Variants in LSAMP observed in about 807,000 individuals in gnomAD.
LSAMP encodes the protein limbic system associated membrane protein.
In LSAMP, 7 loss-of-function variants were observed where a neutral mutation model predicts 38.6. The ratio of observed to expected loss-of-function variants is 0.18; its 90% confidence interval spans 0.10 to 0.34. The LOEUF is 0.34. LSAMP is among the 10% of genes least tolerant of loss of function. The pLI, the probability that LSAMP is intolerant of heterozygous loss-of-function variation, is 1.00. For synonymous variants in LSAMP, 154 were observed against 166.8 expected (o/e 0.92, Z 0.59); for missense variants, 313 against 420.0 (o/e 0.75, Z 2.23).
intron 1 of LSAMP, among the ~76,000 whole-genome samples, chr3:116,249,722 A>T (rs904095907): frequency 1.3e-5 from 2 of 152,092 alleles, no homozygotes; most frequent in African/African-American, 2.4e-5. Flanking sequence ...GGTACCGTAT[A>T]TCCAAGAGAG....
At chr3:116,393,214 G>A (rs938345099) in intron 1 of LSAMP, among the ~76,000 whole-genome samples, 1 of 152,166 alleles carries the variant, frequency 6.6e-6, no homozygotes, top group Non-Finnish European at 1.5e-5. Context: ...GAGAAGAGCT[G>A]CAGCCCTTCA....
chr3:116,080,063 A>G (rs189900919), intron 2 of LSAMP, among the ~76,000 whole-genome samples: 21 of 152,328 alleles, frequency 1.4e-4, no homozygotes, highest in African/African-American at 4.3e-4. Flanking sequence ...CACATATGAT[A>G]TTGCGTAAAT....
Position 116,180,917 on chromosome 3 carries a change from A to G in LSAMP, c.156-94361T>C, listed in dbSNP as rs1266700796. On this transcript the variant is annotated intron_variant, in intron 1 of 6. Transcript: ENST00000490035. ...ACATGGGTTAGGTGATTCCATGAAT[A>G]TGATTTGTAGAATATTGAGAGAGCT... is the stretch of plus-strand genomic sequence containing the variant. Among the ~76,000 whole-genome samples the G allele has an allele frequency of 2.6e-5, 4 of 152,044 alleles. No homozygotes were observed. The South Asian group carries it at 8.4e-4, about 32-fold the overall frequency.
chr3:115,873,196 G>T (rs1313664931), intron 3 of LSAMP, among the ~76,000 whole-genome samples: 1 of 151,724 alleles, frequency 6.6e-6, no homozygotes, highest in Admixed American at 6.6e-5. Context: ...ATGACGAAAC[G>T]CTGTCTCTAC....
At chr3:115,934,145 TGTG>T (rs1937627176) in intron 3 of LSAMP, among the ~76,000 whole-genome samples, 1 of 151,336 alleles carries the variant, frequency 6.6e-6, no homozygotes, top group Admixed American at 6.6e-5. Context: ...GTATAGTTGA[TGTG>T]GTGTTTTATT....
At chr3:116,015,241 G>T (rs748622353) in intron 3 of LSAMP, among the ~76,000 whole-genome samples, 6 of 152,164 alleles carry the variant, frequency 3.9e-5, no homozygotes, top group African/African-American at 7.2e-5. Flanking sequence ...AACTACGGAG[G>T]TTGTGTAAAC....
At chr3:116,129,571 G>A (rs980252739) in intron 1 of LSAMP, among the ~76,000 whole-genome samples, 27 of 152,094 alleles carry the variant, frequency 1.8e-4, no homozygotes, top group African/African-American at 6.5e-4. Flanking sequence ...TGTGACCTTT[G>A]GCAAGGACCC....
chr3:116,260,855 T>C (rs750318290), intron 1 of LSAMP, among the ~76,000 whole-genome samples: 8 of 152,154 alleles, frequency 5.3e-5, no homozygotes, highest in Non-Finnish European at 1.2e-4. Flanking sequence ...CTTTGGGAGA[T>C]TTAGACTTCA....
intron 1 of LSAMP, among the ~76,000 whole-genome samples, chr3:116,397,734 T>A (rs1449830084): frequency 8.0e-6 from 1 of 124,882 alleles, no homozygotes; most frequent in Non-Finnish European, 1.7e-5. Flanking sequence ...GGAATTGCAC[T>A]GAAAAAAATC....
intron 3 of LSAMP, among the ~76,000 whole-genome samples, chr3:115,987,919 A>G (rs1939558948): frequency 6.6e-6 from 1 of 152,182 alleles, no homozygotes; most frequent in African/African-American, 2.4e-5. Context: ...CCAGCAGGTC[A>G]GATTTCTTTC....
chr3:115,870,359 A>G (rs962815839), intron 3 of LSAMP, among the ~76,000 whole-genome samples: 2 of 152,198 alleles, frequency 1.3e-5, no homozygotes, highest in African/African-American at 4.8e-5. Context: ...AGATGAGAAC[A>G]AAAGTATATT....
intron 3 of LSAMP, among the ~76,000 whole-genome samples, chr3:115,990,203 C>T (rs548306247): frequency 2.0e-5 from 3 of 152,104 alleles, no homozygotes; most frequent in Non-Finnish European, 4.4e-5. Flanking sequence ...TCTCCCTGCA[C>T]TTGAGTCTTA....
intron 1 of LSAMP, among the ~76,000 whole-genome samples, chr3:116,224,149 T>C (rs959445162): frequency 1.3e-5 from 2 of 152,194 alleles, no homozygotes; most frequent in African/African-American, 2.4e-5. Context: ...TTCAAGATCA[T>C]AACCTCCCTA....
chr3:116,363,701 T>C (rs1559842039), intron 1 of LSAMP, among the ~76,000 whole-genome samples: 1 of 123,324 alleles, frequency 8.1e-6, no homozygotes, highest in Admixed American at 8.5e-5. Context: ...GCAAGGCTGG[T>C]TCAATATACG....
At chr3:116,257,453 T>G (rs1176602751) in intron 1 of LSAMP, among the ~76,000 whole-genome samples, 2 of 152,194 alleles carry the variant, frequency 1.3e-5, no homozygotes, top group African/African-American at 4.8e-5. Context: ...TGAGCAGTCA[T>G]ACAAGATTCA....
chr3:116,434,870 G>A lies in LSAMP; in HGVS notation c.155+10007C>T, dbSNP rs150482204. Among the ~76,000 whole-genome samples, 562 of 152,194 alleles carry A rather than the reference G, an allele frequency of 3.7e-3. 4 individuals carry two copies. The highest frequency in any genetic ancestry group is 0.013 in the African/African-American group (531 of 41,540). ...GGCCGGGGCTTTGACTTTATGCTGT[G>A]GATGTTCTTTGAAGGATCGAGTGAC... On this transcript the variant is annotated intron_variant, in intron 1 of 6. Transcript: ENST00000490035.
chr3:116,435,571 C>T (rs1390895623), intron 1 of LSAMP, among the ~76,000 whole-genome samples: 2 of 152,154 alleles, frequency 1.3e-5, no homozygotes, highest in Non-Finnish European at 2.9e-5. Flanking sequence ...ACACCAGAAA[C>T]CACTAGACAC....
At chr3:115,995,582 A>G (rs887148451) in intron 3 of LSAMP, among the ~76,000 whole-genome samples, 1 of 151,984 alleles carries the variant, frequency 6.6e-6, no homozygotes, top group African/African-American at 2.4e-5. Flanking sequence ...GATGTTCAGA[A>G]GACAGTTTTA....
intron 1 of LSAMP, among the ~76,000 whole-genome samples, chr3:116,239,726 G>GCC (rs2107636716): frequency 6.6e-6 from 1 of 152,228 alleles, no homozygotes; most frequent in South Asian, 2.1e-4. Context: ...CATTAGTCAG[G>GCC]AAGTCTGTTA....
Sources: allele counts gnomAD v4.1 joint callset (sites outside exome capture counted in the v4.1 genomes callset), GRCh38; gene constraint gnomAD v4.1.1; transcripts MANE v1.5; gene names NCBI Gene and HGNC (gene_info 2026-07-23, HGNC 2026-07-21).